Variants in SPTBN4 observed in about 807,000 individuals in gnomAD.
SPTBN4 encodes the protein spectrin beta chain, non-erythrocytic 4.
In SPTBN4, 96 loss-of-function variants were observed where a neutral mutation model predicts 277.8. The observed-to-expected ratio is 0.35, with a 90% CI of 0.29 to 0.41. SPTBN4 has a LOEUF of 0.41. Among genes scored for constraint, SPTBN4 ranks in the 10% least tolerant of loss-of-function variants. The pLI is 1.00. For missense variants in SPTBN4, 3,006 were observed against 3,595.7 expected, an observed-to-expected ratio of 0.84 and a Z score of 4.19; for synonymous variants, 1,481 against 1,580.3, an observed-to-expected ratio of 0.94 and a Z score of 1.49.
Position 40,502,801 on chromosome 19 carries a change from G to A in SPTBN4, c.1230G>A (p.Glu410=). ...CATGGGGTGAGCTGGAGAAGGCTGA[G>A]CATGAGCGGGAGGCTGCCCTACGGG... ...DKAWGELEKA[E]HEREAALRAE... The change falls in exon 11 of 36, where the codon GAG becomes GAA. Residue 410 remains glutamate, a synonymous_variant. Coordinates refer to ENST00000598249, the MANE Select transcript of SPTBN4 (RefSeq NM_020971.3). This position sits in a 1 kb window ranked among gnomAD's most constrained non-coding sequence, Gnocchi z 4.9. 6.2e-7 allele frequency: 1 copy of A among 1,613,982 alleles called. No homozygotes were observed.
intron 7 of SPTBN4, 35 bp downstream of exon 7, chr19:40,497,639 TTGGGGGACTCCCA>T (rs746055860): frequency 1.0e-5 from 16 of 1,567,772 alleles, no homozygotes; most frequent in Non-Finnish European, 1.4e-5. Context: ...AGACTTCGTC[TTGGGGGACTCCCA>T]ACCCCAATGC....
At chr19:40,550,371 CAT>C in intron 22 of SPTBN4, 44 bp downstream of exon 22, 3 of 1,574,930 alleles carry the variant, frequency 1.9e-6, no homozygotes, top group Non-Finnish European at 1.7e-6. Context: ...CATTTGGATA[CAT>C]GTGATAGAAA....
Position 40,503,823 on chromosome 19 carries a change from G to A in SPTBN4, c.1363-7G>A, listed in dbSNP as rs200569420. ...AGCATGGGTGAGTGTCTGGCTCACT[G>A]CCCCAGGACAACTTTGGGTATGAGC... On this transcript the variant is annotated splice_polypyrimidine_tract_variant and splice_region_variant and intron_variant, in intron 11 of 35. Coordinates refer to ENST00000598249, the MANE Select transcript of SPTBN4 (RefSeq NM_020971.3). The A allele has an allele frequency of 1.6e-5, 25 of 1,571,744 alleles. No individual in the cohort carries two copies. In the African/African-American group the frequency reaches 3.2e-4, roughly 20 times the overall value.
In SPTBN4 at chr19:40,515,077, C is replaced by A. The variant is rs903224613; in HGVS notation, c.2766-234C>A. Reference sequence around the variant, plus strand: ...CCACAATCGCGCCACTGCACTCCAGCCTGGGTGACAGAGCGAGACTCTGTC... The same window carrying A: ...CCACAATCGCGCCACTGCACTCCAGACTGGGTGACAGAGCGAGACTCTGTC... On this transcript the variant is annotated intron_variant, in intron 14 of 35. Transcript: ENST00000598249. The surrounding 1 kb of genome is among the most constrained non-coding windows in gnomAD (Gnocchi z 4.1). 2.6e-5 allele frequency among the ~76,000 whole-genome samples: 4 copies of A among 151,998 alleles called. No homozygotes were observed. Among genetic ancestry groups the A allele is most frequent in the African/African-American group, 9.7e-5 (4 of 41,368 alleles).
intron 13 of SPTBN4, among the ~76,000 whole-genome samples, chr19:40,510,263 C>T (rs1317059364): frequency 1.3e-5 from 2 of 151,786 alleles, no homozygotes; most frequent in Admixed American, 1.3e-4. Context: ...GACATTGTGT[C>T]AGAGTAAGGG....
At chr19:40,517,200 C>T (rs1020197813) in intron 15 of SPTBN4, among the ~76,000 whole-genome samples, 1 of 151,800 alleles carries the variant, frequency 6.6e-6, no homozygotes, top group Admixed American at 6.6e-5. Flanking sequence ...CTCAGAGAGG[C>T]GAAGATGGAG....
chr19:40,490,064 T>C lies in SPTBN4; in HGVS notation c.322-11T>C. 1 of 1,595,462 alleles carries C rather than the reference T, an allele frequency of 6.3e-7. No individual in the cohort carries two copies. The highest frequency in any genetic ancestry group is 8.6e-7 in the Non-Finnish European group (1 of 1,168,762). ...CAGACCCCCGATCGCCCACCGCCCC[T>C]GTCGCCCTAGCCCAGGCCCACGCGC... is the stretch of plus-strand genomic sequence containing the variant. On this transcript the variant is annotated splice_polypyrimidine_tract_variant and intron_variant, in intron 3 of 35. Transcript: ENST00000598249. This position sits in a 1 kb window ranked among gnomAD's most constrained non-coding sequence, Gnocchi z 4.3.
rs537483566 is a variant in SPTBN4 at position 40,509,162 on chromosome 19, T to C, written c.1816+2776T>C. 3.5e-5 allele frequency among the ~76,000 whole-genome samples: 5 copies of C among 144,626 alleles called. No individual in the cohort carries two copies. The South Asian group carries it at 1.3e-3, about 36-fold the overall frequency. The allele number at this position is 144,626 out of a possible 152,430, so 94.9% of individuals were successfully genotyped here. A position where few individuals can be genotyped will look rare whatever the true frequency, so the allele number is the denominator to read the frequency against. Reference sequence around the variant, plus strand: ...GTCTTGAACTCCTGGGCTCAAGCAATCCTCCCGCTTCCACCTCCCAGAGTG... The same window carrying C: ...GTCTTGAACTCCTGGGCTCAAGCAACCCTCCCGCTTCCACCTCCCAGAGTG... On this transcript the variant is annotated intron_variant, in intron 13 of 35. Transcript: ENST00000598249.
chr19:40,479,529 A>G (rs113807484), intron 2 of SPTBN4, among the ~76,000 whole-genome samples: 1,830 of 149,564 alleles, frequency 0.012, 36 homozygotes, highest in African/African-American at 0.041. Context: ...CTGGTCTTGA[A>G]CTCCTGGGCC....
At position 40,519,843 on chromosome 19, in the gene SPTBN4, G is replaced by A. The variant is rs961195995; in HGVS notation, c.3346G>A (p.Gly1116Arg). The A allele has an allele frequency of 3.5e-6, 5 of 1,442,038 alleles. No homozygotes were observed. In the Admixed American group the frequency reaches 1.2e-4, roughly 34 times the overall value. The allele number at this position is 1,442,038 out of a possible 1,614,324, so 89.3% of individuals were successfully genotyped here. The part of the protein sequence containing the change: ...RAQEAAGGSE[G>R]PLPNSLEEAD... Reference sequence around the variant, plus strand: ...CCAGGAGGCGGCGGGCGGCAGCGAGGGGCCCCTGCCCAACAGCCTAGAAGA... The same window carrying A: ...CCAGGAGGCGGCGGGCGGCAGCGAGAGGCCCCTGCCCAACAGCCTAGAAGA... Residue 1116 changes from glycine to arginine, a missense_variant, in exon 16 of 36, where the codon GGG becomes AGG. Physicochemically the swap from Gly to Arg is moderately radical, Grantham distance 125. This residue lies in a region of SPTBN4 where 1,759 missense variants were observed against 2,061.5 expected (regional missense o/e 0.85). Coordinates refer to ENST00000598249, the MANE Select transcript of SPTBN4 (RefSeq NM_020971.3). This position sits in a 1 kb window ranked among gnomAD's most constrained non-coding sequence, Gnocchi z 5.7.
chr19:40,524,378 G>A (rs191700658), intron 17 of SPTBN4, among the ~76,000 whole-genome samples: 215 of 151,510 alleles, frequency 1.4e-3, no homozygotes, highest in South Asian at 2.5e-3. Context: ...GTGGTGATGC[G>A]TGCCTGTAGT....
chr19:40,562,082 GGAGGGAGT>G (rs2081048182), intron 27 of SPTBN4, among the ~76,000 whole-genome samples: 1 of 152,204 alleles, frequency 6.6e-6, no homozygotes, highest in South Asian at 2.1e-4. Flanking sequence ...CCAGATGGAG[GGAGGGAGT>G]GAGGGAGTGT....
At chr19:40,510,557 G>C (rs547063457) in intron 13 of SPTBN4, among the ~76,000 whole-genome samples, 2 of 152,072 alleles carry the variant, frequency 1.3e-5, no homozygotes, top group African/African-American at 4.8e-5. Flanking sequence ...TGCCTGCTTC[G>C]GCCTCCCAAA....
At chr19:40,549,083 G>C (rs1386826976) in intron 20 of SPTBN4, 106 bp from the exon 21 acceptor site, 1 of 901,848 alleles carries the variant, frequency 1.1e-6, no homozygotes, top group Non-Finnish European at 1.6e-6. Context: ...AGGGTGGAAG[G>C]GTGGGCCGCG....
chr19:40,523,114 C>T (rs1226592129), intron 16 of SPTBN4, among the ~76,000 whole-genome samples: 1 of 152,116 alleles, frequency 6.6e-6, no homozygotes, highest in Non-Finnish European at 1.5e-5. Flanking sequence ...GCCTGGGCAA[C>T]AGAGTGAGAC....
At chr19:40,559,064 G>C (rs1202276310) in intron 26 of SPTBN4, among the ~76,000 whole-genome samples, 3 of 150,414 alleles carry the variant, frequency 2.0e-5, no homozygotes, top group Non-Finnish European at 4.4e-5. Flanking sequence ...CGAGTAGCTG[G>C]GACTACAGGT....
In SPTBN4 at chr19:40,554,870, T is replaced by A; in HGVS notation, c.5084+224T>A. 1.7e-6 allele frequency: 1 copy of A among 572,296 alleles called. No individual in the cohort carries two copies. The highest frequency in any genetic ancestry group is 3.3e-5 in the Admixed American group (1 of 30,764). 35.5% of individuals were successfully genotyped at this position (572,296 alleles called of 1,614,324 possible). On this transcript the variant is annotated intron_variant, in intron 24 of 35. Transcript: ENST00000598249. The surrounding 1 kb of genome is among the most constrained non-coding windows in gnomAD (Gnocchi z 5.7). ...GAGCACCTGGATTTGAGTGTAGTAGTGGGGACCTTGTCGGGGGAGAAAAGA... is the reference window on the plus strand; with the variant it reads ...GAGCACCTGGATTTGAGTGTAGTAGAGGGGACCTTGTCGGGGGAGAAAAGA...
chr19:40,519,264 G>C lies in SPTBN4; in HGVS notation c.2904-137G>C, dbSNP rs554489100. ...GCTGCGTAGGGTTCCATTTTACACC[G>C]GCAGAAACTGGAGAAACTTTCTGAG... On this transcript the variant is annotated intron_variant, in intron 15 of 35. Coordinates refer to ENST00000598249, the MANE Select transcript of SPTBN4 (RefSeq NM_020971.3). The surrounding 1 kb of genome is among the most constrained non-coding windows in gnomAD (Gnocchi z 5.7). The C allele has an allele frequency of 7.4e-5, 64 of 869,406 alleles. No homozygotes were observed. Among genetic ancestry groups the C allele is most frequent in the Non-Finnish European group, 9.8e-5 (62 of 629,948 alleles). 53.9% of individuals were successfully genotyped at this position (869,406 alleles called of 1,614,324 possible). A position where few individuals can be genotyped will look rare whatever the true frequency, so the allele number is the denominator to read the frequency against.
chr19:40,473,022 T>C (rs2079904057), intron 2 of SPTBN4, among the ~76,000 whole-genome samples: 1 of 152,144 alleles, frequency 6.6e-6, no homozygotes, highest in African/African-American at 2.4e-5. Flanking sequence ...GAGTTTTAAA[T>C]TTTATTTAGT....
Sources: gnomAD v4.1 joint callset for allele counts (sites outside exome capture counted in the v4.1 genomes callset) on GRCh38, gnomAD v4.1.1 for gene constraint, gnomAD v4.1.1 regional missense constraint, Gnocchi (gnomAD v3.1) non-coding constraint, MANE v1.5 for transcripts, NCBI Gene and HGNC (gene_info 2026-07-23, HGNC 2026-07-21) for gene names.